TSNAXIP1: variants seen among roughly 807,000 people sequenced by gnomAD.
The protein encoded by TSNAXIP1 is translin associated factor X interacting protein 1.
In TSNAXIP1, 89 loss-of-function variants were observed where a neutral mutation model predicts 84.8. The observed-to-expected ratio is 1.05, with a 90% CI of 0.88 to 1.25. The LOEUF (loss-of-function observed/expected upper bound fraction) is 1.25, where lower values mean the gene tolerates loss of function less well. Ranked by LOEUF, TSNAXIP1 falls within the 50% of genes most tolerant of loss-of-function variation. The pLI, the probability that TSNAXIP1 is intolerant of heterozygous loss-of-function variation, is 0.00. For missense variants in TSNAXIP1, 874 were observed against 887.6 expected, an observed-to-expected ratio of 0.98 and a Z score of 0.20; for synonymous variants, 347 against 335.2, an observed-to-expected ratio of 1.04 and a Z score of -0.39.
intron 2 of TSNAXIP1, 28 bp downstream of exon 2, chr16:67,814,429 CA>C: frequency 6.6e-7 from 1 of 1,513,804 alleles, no homozygotes; most frequent in Non-Finnish European, 8.9e-7. Flanking sequence ...TTTGGAACCC[CA>C]AATGTCAGCC....
intron 2 of TSNAXIP1, among the ~76,000 whole-genome samples, chr16:67,816,895 G>A (rs1277371940): frequency 6.6e-6 from 1 of 151,940 alleles, no homozygotes; most frequent in Non-Finnish European, 1.5e-5. Context: ...AGCAAAGGAG[G>A]GTAGCCACAT....
In TSNAXIP1 at chr16:67,827,814, G is replaced by A. The variant is rs1246666884; in HGVS notation, c.1960G>A (p.Asp654Asn). The part of the protein sequence containing the change: ...GGLMTIDPSL[D>N]KQTVNTYMSQ... ...CCTGATGACCATCGACCCCAGCCTG[G>A]ACAAGCAGACAGTGAACACCTACAT... Residue 654 changes from aspartate (D) to asparagine (N), a missense_variant, in exon 16 of 16, where the codon GAC (aspartate) becomes AAC (asparagine). Physicochemically the swap from Asp to Asn is conservative, Grantham distance 23. Coordinates refer to ENST00000561639, the MANE Select transcript of TSNAXIP1 (RefSeq NM_001288990.3). 1.2e-6 allele frequency: 2 copies of A among 1,614,156 alleles called. No individual in the cohort carries two copies. The highest frequency in any genetic ancestry group is 1.7e-6 in the Non-Finnish European group (2 of 1,180,030).
At chr16:67,820,369 G>A (rs1212763024) in intron 2 of TSNAXIP1, among the ~76,000 whole-genome samples, 2 of 152,132 alleles carry the variant, frequency 1.3e-5, no homozygotes, top group Non-Finnish European at 2.9e-5. Flanking sequence ...GCTAATAAGG[G>A]ACATTTGAGA....
At chr16:67,814,059 G>A (rs774623621) in intron 1 of TSNAXIP1, among the ~76,000 whole-genome samples, 46 of 152,194 alleles carry the variant, frequency 3.0e-4, no homozygotes, top group Non-Finnish European at 5.4e-4. Context: ...TTCATGGGGA[G>A]GATGTCCTGC....
chr16:67,826,219 G>A lies in TSNAXIP1; in HGVS notation c.1212G>A (p.Val404=). 1 of 1,605,442 alleles carries A rather than the reference G, an allele frequency of 6.2e-7. No homozygotes were observed. The highest frequency in any genetic ancestry group is 1.1e-5 in the South Asian group (1 of 89,786). The change falls in exon 10 of 16, where the codon GTG becomes GTA. Residue 404 remains valine, a synonymous_variant. Transcript: ENST00000561639. ...LAEGKNSDQL[V]DVLLEEIGSG... is the part of the protein sequence containing the mutation. ...AGGGCAAGAACAGCGACCAGCTGGT[G>A]GACGTGCTCCTGGAAGAGATTGGTT...
chr16:67,808,966 C>G (rs1044941719), intron 1 of TSNAXIP1, among the ~76,000 whole-genome samples: 1 of 150,324 alleles, frequency 6.7e-6, no homozygotes, highest in Non-Finnish European at 1.5e-5. Flanking sequence ...GTGGGAGGAT[C>G]ACTTGAGGTA....
intron 2 of TSNAXIP1, among the ~76,000 whole-genome samples, chr16:67,816,990 G>A (rs1270468587): frequency 6.6e-6 from 1 of 150,396 alleles, no homozygotes; most frequent in Non-Finnish European, 1.5e-5. Context: ...TTTTTGAGAC[G>A]GAGCCTCGCT....
Position 67,825,670 on chromosome 16 carries a change from T to G in TSNAXIP1, c.818T>G (p.Ile273Ser). Residue 273 changes from isoleucine to serine, a missense_variant, in exon 8 of 16, where the codon ATC becomes AGC. Ile to Ser is a moderately radical substitution (Grantham distance 142). Transcript: ENST00000561639. ...GGTGGGCCCCTTCCCCTGGCAGGCA[T>G]CTGGGGGGAGGACCCTGTGAAGTTA... Reference protein sequence around the residue: ...EDMSLAQSPGIWGEDPVKLTL... With the variant: ...EDMSLAQSPGSWGEDPVKLTL... The G allele has an allele frequency of 6.2e-7, 1 of 1,609,684 alleles. No homozygotes were observed. The highest frequency in any genetic ancestry group is 8.5e-7 in the Non-Finnish European group (1 of 1,176,912).
At chr16:67,825,411 C>T in intron 7 of TSNAXIP1, 139 bp downstream of exon 7, 1 of 1,260,056 alleles carries the variant, frequency 7.9e-7, no homozygotes, top group Non-Finnish European at 1.1e-6. Flanking sequence ...GTCCCTGCCT[C>T]CCGCAGGGCT....
Position 67,823,619 on chromosome 16 carries a change from T to G in TSNAXIP1, c.388-7T>G. On this transcript the variant is annotated splice_region_variant and splice_polypyrimidine_tract_variant and intron_variant, in intron 4 of 15. Coordinates refer to ENST00000561639, the MANE Select transcript of TSNAXIP1 (RefSeq NM_001288990.3). ...CTAGGAGATGATGGGTTCCCTTTTC[T>G]TGCCAGCCTTACAGAGAGATCTTTG... The G allele has an allele frequency of 6.2e-7, 1 of 1,613,144 alleles. No homozygotes were observed. The highest frequency in any genetic ancestry group is 1.3e-5 in the African/African-American group (1 of 75,016).
chr16:67,823,685 A>C lies in TSNAXIP1; in HGVS notation c.447A>C (p.Leu149=), dbSNP rs764061281. Residue 149 remains leucine (L), a synonymous_variant, in exon 5 of 16, where the codon CTA becomes CTC. Coordinates refer to ENST00000561639, the MANE Select transcript of TSNAXIP1 (RefSeq NM_001288990.3). ...IEDFKTYKPL[L]SSIKNAYEGM... ...ACTTCAAAACGTACAAGCCATTACT[A>C]TCCTCCATCAAGAATGCGTATGAGG... is the stretch of plus-strand genomic sequence containing the variant. 5 of 1,613,672 alleles carry C rather than the reference A, an allele frequency of 3.1e-6. No homozygotes were observed. In the South Asian group the frequency reaches 4.4e-5, roughly 14 times the overall value.
chr16:67,827,465 C>T lies in TSNAXIP1; in HGVS notation c.1792-8C>T, dbSNP rs779699530. 4.3e-6 allele frequency: 7 copies of T among 1,614,162 alleles called. No homozygotes were observed. The highest frequency in any genetic ancestry group is 5.9e-6 in the Non-Finnish European group (7 of 1,180,014). On this transcript the variant is annotated splice_polypyrimidine_tract_variant and splice_region_variant and intron_variant, in intron 14 of 15. Transcript: ENST00000561639. ...TGTGCCCTCCCCCTGACTTGTGGCC[C>T]CTCCCAGGATGAGGAGGGCCAGAGT... is the stretch of plus-strand genomic sequence containing the variant.
intron 2 of TSNAXIP1, among the ~76,000 whole-genome samples, chr16:67,814,629 C>T (rs898457879): frequency 2.0e-5 from 3 of 152,102 alleles, no homozygotes; most frequent in Non-Finnish European, 2.9e-5. Context: ...AAAGCCTTCC[C>T]GGATCTCCCT....
chr16:67,814,240 TG>T, intron 1 of TSNAXIP1, 61 bp from the exon 2 acceptor site: 1 of 1,307,530 alleles, frequency 7.6e-7, no homozygotes, highest in Non-Finnish European at 1.1e-6. Flanking sequence ...CTAGAAAGGA[TG>T]GGAGTTCTCT....
In TSNAXIP1 at chr16:67,806,918, G is replaced by A; in HGVS notation, c.-232G>A. On this transcript the variant is annotated 5_prime_UTR_variant, in exon 1 of 16. Transcript: ENST00000561639. The stretch of plus-strand genomic sequence containing the variant: ...CCCTGCCTCAGTTCTGGTACCTGGG[G>A]TCAAATCGGCTGTAGTGGTTGACTC... 2 of 637,636 alleles carry A rather than the reference G, an allele frequency of 3.1e-6. No homozygotes were observed. The highest frequency in any genetic ancestry group is 2.7e-6 in the Non-Finnish European group (1 of 372,854). The allele number at this position is 637,636 out of a possible 1,614,324, so 39.5% of individuals were successfully genotyped here. A position where few individuals can be genotyped will look rare whatever the true frequency, so the allele number is the denominator to read the frequency against.
In TSNAXIP1 at chr16:67,827,123, T is replaced by A. The variant is rs770274864; in HGVS notation, c.1664+51T>A. On this transcript the variant is annotated intron_variant, in intron 13 of 15. Coordinates refer to ENST00000561639, the MANE Select transcript of TSNAXIP1 (RefSeq NM_001288990.3). ...CAACTCCTACCCAACTATTCCTGCA[T>A]CTGTAGGGAAAAGGGGCACCTGGTG... is the stretch of plus-strand genomic sequence containing the variant. 1.9e-5 allele frequency: 31 copies of A among 1,607,348 alleles called. 1 individual carries two copies. In the South Asian group the frequency reaches 3.2e-4, roughly 17 times the overall value.
In TSNAXIP1 at chr16:67,823,742, G is replaced by A. The variant is rs1322362919; in HGVS notation, c.481+23G>A. On this transcript the variant is annotated intron_variant, in intron 5 of 15. Transcript: ENST00000561639. ...TGGGTAAGAATGCACCTCCTGCCAG[G>A]CGTAGTGGCTCACGCCTGTAATCCC... 5 of 1,601,822 alleles carry A rather than the reference G, an allele frequency of 3.1e-6. No individual in the cohort carries two copies. In the South Asian group the frequency reaches 5.5e-5, roughly 18 times the overall value.
At chr16:67,816,604 A>C (rs914953905) in intron 2 of TSNAXIP1, among the ~76,000 whole-genome samples, 4 of 152,100 alleles carry the variant, frequency 2.6e-5, no homozygotes, top group African/African-American at 9.7e-5. Flanking sequence ...TGACTAGGGG[A>C]GAGCTCTGAG....
intron 2 of TSNAXIP1, among the ~76,000 whole-genome samples, chr16:67,816,947 CT>C (rs539347982): frequency 0.01 from 1,455 of 140,074 alleles, 18 homozygotes; most frequent in African/African-American, 0.024. Context: ...GAGGACTGGT[CT>C]TTTTTTTTTT....
Sources: gnomAD v4.1 joint callset for allele counts (sites outside exome capture counted in the v4.1 genomes callset) on GRCh38, gnomAD v4.1.1 for gene constraint, MANE v1.5 for transcripts, NCBI Gene and HGNC (gene_info 2026-07-23, HGNC 2026-07-21) for gene names.